MKX: variants seen among roughly 807,000 people sequenced by gnomAD.
MKX encodes homeobox protein Mohawk.
Under a neutral mutation model 36.0 loss-of-function variants are expected in MKX, and 13 were observed. The observed-to-expected ratio is 0.36, with a 90% CI of 0.24 to 0.57. MKX has a LOEUF of 0.57. Among genes scored for constraint, MKX ranks in the 20% least tolerant of loss-of-function variants. MKX has a pLI of 0.79. For missense variants in MKX, 458 were observed against 456.4 expected (o/e 1.00, Z -0.03); for synonymous variants, 176 against 178.3 (o/e 0.99, Z 0.10).
rs1836724218 is a variant in MKX at position 27,705,019 on chromosome 10, A to G, written c.838+29437T>C. On this transcript the variant is annotated intron_variant, in intron 5 of 6. Transcript: ENST00000419761. Reference sequence around the variant, plus strand: ...CATTATCCATCAGAGTCCGTATCAAAAGAAATATGAATATGTGCACACAGG... The same window carrying G: ...CATTATCCATCAGAGTCCGTATCAAGAGAAATATGAATATGTGCACACAGG... Among the ~76,000 whole-genome samples the G allele has an allele frequency of 1.3e-5, 2 of 152,220 alleles. 1 individual carries two copies. The highest frequency in any genetic ancestry group is 3.8e-4 in the East Asian group (2 of 5,202).
chr10:27,730,651 T>C (rs551949898), intron 5 of MKX, among the ~76,000 whole-genome samples: 20 of 151,696 alleles, frequency 1.3e-4, no homozygotes, highest in Middle Eastern at 3.4e-3. Flanking sequence ...GGAGACGGTG[T>C]TTCACCATAT....
chr10:27,741,398 TG>T lies in MKX; in HGVS notation c.294del (p.Thr99ProfsTer14). Reference sequence around the variant, plus strand: ...GCCAAGAGTATCTTCTCGGTCTTGGTGGGGTACGGGTTGTCACGGTGCTTGT... The same window carrying T: ...GCCAAGAGTATCTTCTCGGTCTTGGTGGGTACGGGTTGTCACGGTGCTTGT... ...WLYKHRDNPY[P>X]TKTEKILLAL... On this transcript the variant is annotated frameshift_variant, in exon 3 of 7. Coordinates refer to ENST00000419761, the MANE Select transcript of MKX (RefSeq NM_173576.3). LOFTEE classifies it high-confidence loss of function. The surrounding 1 kb of genome is among the most constrained non-coding windows in gnomAD (Gnocchi z 5.1). 1 of 1,613,512 alleles carries T rather than the reference TG, an allele frequency of 6.2e-7. No homozygotes were observed. The highest frequency in any genetic ancestry group is 8.5e-7 in the Non-Finnish European group (1 of 1,179,728).
chr10:27,743,827 T>G (rs1013460663), intron 1 of MKX, among the ~76,000 whole-genome samples: 1 of 152,136 alleles, frequency 6.6e-6, no homozygotes, highest in East Asian at 1.9e-4. Flanking sequence ...AGTTTGAATC[T>G]GGGAGAGGCA....
chr10:27,714,742 T>C (rs956091805), intron 5 of MKX, among the ~76,000 whole-genome samples: 2 of 152,224 alleles, frequency 1.3e-5, no homozygotes, highest in African/African-American at 4.8e-5. Flanking sequence ...TGACTTATGC[T>C]GTACATATAA....
At chr10:27,718,542 T>C (rs1343361922) in intron 5 of MKX, 5 of 413,760 alleles carry the variant, frequency 1.2e-5, no homozygotes, top group Non-Finnish European at 2.4e-5. Context: ...CTTAGCTCCT[T>C]GTTTTTACTT....
intron 5 of MKX, among the ~76,000 whole-genome samples, chr10:27,683,081 C>T (rs1209469770): frequency 6.6e-6 from 1 of 152,174 alleles, no homozygotes; most frequent in Non-Finnish European, 1.5e-5. Context: ...TCTAATGCCA[C>T]CGCTGATCTG....
intron 5 of MKX, among the ~76,000 whole-genome samples, chr10:27,719,466 A>G (rs753680066): frequency 3.3e-5 from 5 of 152,164 alleles, no homozygotes; most frequent in Non-Finnish European, 5.9e-5. Flanking sequence ...TAACCGCAGC[A>G]TAAAGCTGCT....
At chr10:27,704,939 T>G (rs1354652829) in intron 5 of MKX, among the ~76,000 whole-genome samples, 1 of 152,210 alleles carries the variant, frequency 6.6e-6, no homozygotes, top group Non-Finnish European at 1.5e-5. Context: ...AAATATTTGT[T>G]AATGAATATT....
intron 5 of MKX, among the ~76,000 whole-genome samples, chr10:27,728,590 T>C (rs1393926185): frequency 6.6e-6 from 1 of 152,248 alleles, no homozygotes; most frequent in Non-Finnish European, 1.5e-5. Context: ...CAGCACCTCA[T>C]ATACCAATGG....
At position 27,741,299 on chromosome 10, in the gene MKX, G is replaced by A. The variant is rs1375782003; in HGVS notation, c.348+46C>T. 1 of 1,605,038 alleles carries A rather than the reference G, an allele frequency of 6.2e-7. No individual in the cohort carries two copies. The highest frequency in any genetic ancestry group is 1.7e-5 in the Admixed American group (1 of 57,978). On this transcript the variant is annotated intron_variant, in intron 3 of 6. Coordinates refer to ENST00000419761, the MANE Select transcript of MKX (RefSeq NM_173576.3). The surrounding 1 kb of genome is among the most constrained non-coding windows in gnomAD (Gnocchi z 5.1). ...GAACTCTAAGCGTTCCCGCTCTTCA[G>A]CCCCTCGCGGGAAAACGGATCAGGG...
intron 5 of MKX, among the ~76,000 whole-genome samples, chr10:27,677,542 G>A (rs542654360): frequency 7.9e-5 from 12 of 152,164 alleles, no homozygotes; most frequent in African/African-American, 2.7e-4. Flanking sequence ...GCCAAGCTTC[G>A]ATGCCCTCTC....
intron 5 of MKX, among the ~76,000 whole-genome samples, chr10:27,720,568 TAAATGC>T (rs1419669947): frequency 1.3e-5 from 2 of 152,210 alleles, no homozygotes; most frequent in Non-Finnish European, 2.9e-5. Flanking sequence ...CAGTTTGTTG[TAAATGC>T]AATGACCTAT....
At chr10:27,686,373 A>G (rs1285127605) in intron 5 of MKX, among the ~76,000 whole-genome samples, 3 of 137,766 alleles carry the variant, frequency 2.2e-5, no homozygotes, top group Non-Finnish European at 3.0e-5. Context: ...AGAAAGAAAG[A>G]AAGGGAAGGG....
At chr10:27,701,284 A>AGCGGTGCACATCATGGCAC (rs1564352095) in intron 5 of MKX, among the ~76,000 whole-genome samples, 1 of 145,178 alleles carries the variant, frequency 6.9e-6, no homozygotes. Context: ...AAAGAACTGA[A>AGCGGTGCACATCATGGCAC]GCGGTGCACA....
intron 5 of MKX, among the ~76,000 whole-genome samples, chr10:27,718,920 T>C (rs1489724656): frequency 6.6e-6 from 1 of 152,186 alleles, no homozygotes; most frequent in Non-Finnish European, 1.5e-5. Context: ...TTATTATTCG[T>C]TGATATTCAG....
intron 5 of MKX, among the ~76,000 whole-genome samples, chr10:27,683,450 C>T (rs1466660888): frequency 6.6e-6 from 1 of 152,200 alleles, no homozygotes; most frequent in Non-Finnish European, 1.5e-5. Flanking sequence ...GATGAAACTG[C>T]CTGATGATAC....
chr10:27,718,356 GGTTTT>G (rs1487022184), intron 5 of MKX, among the ~76,000 whole-genome samples: 1 of 152,076 alleles, frequency 6.6e-6, no homozygotes, highest in African/African-American at 2.4e-5. Context: ...TCCCTCCCAT[GGTTTT>G]GTTTTATTTT....
At chr10:27,686,966 C>T (rs1836367137) in intron 5 of MKX, among the ~76,000 whole-genome samples, 1 of 151,862 alleles carries the variant, frequency 6.6e-6, no homozygotes, top group Non-Finnish European at 1.5e-5. Flanking sequence ...GTCCCCCCAA[C>T]TAGCTCCTGC....
intron 5 of MKX, among the ~76,000 whole-genome samples, chr10:27,728,643 A>G (rs7358151): frequency 0.12 from 18,503 of 152,172 alleles, 2,828 homozygotes; most frequent in African/African-American, 0.35. Flanking sequence ...TTAGAACAGA[A>G]TACCTTTCTC....
Sources: allele counts gnomAD v4.1 joint callset (sites outside exome capture counted in the v4.1 genomes callset), GRCh38; gene constraint gnomAD v4.1.1; non-coding constraint Gnocchi (gnomAD v3.1); transcripts MANE v1.5; gene names NCBI Gene and HGNC (gene_info 2026-07-23, HGNC 2026-07-21).